Variants in ERAP1 observed in about 807,000 individuals in gnomAD.
The protein encoded by ERAP1 is adipocyte-derived leucine aminopeptidase.
A neutral mutation model predicts 103.7 loss-of-function variants in ERAP1; 86 were observed. The observed-to-expected ratio is 0.83, with a 90% CI of 0.70 to 0.99. The LOEUF (loss-of-function observed/expected upper bound fraction) is 0.99. Among genes scored for constraint, ERAP1 ranks in the 50% least tolerant of loss-of-function variants. ERAP1 has a pLI of 0.00. For synonymous variants in ERAP1, 398 were observed against 402.4 expected, an observed-to-expected ratio of 0.99 and a Z score of 0.13; for missense variants, 1,009 against 1,128.4, an observed-to-expected ratio of 0.89 and a Z score of 1.52.
the ERAP1 span, among the ~76,000 whole-genome samples, chr5:96,845,436 T>C: frequency 6.6e-6 from 1 of 152,204 alleles, no homozygotes; most frequent in Non-Finnish European, 1.5e-5. Flanking sequence ...GGTTTCACCA[T>C]GTTGGCTAGG....
chr5:96,876,718 A>T, the ERAP1 span, among the ~76,000 whole-genome samples: 1 of 152,094 alleles, frequency 6.6e-6, no homozygotes, highest in Non-Finnish European at 1.5e-5. Context: ...TTGATCTAAG[A>T]CGCTGCTGCA....
At chr5:96,869,789 G>C in the ERAP1 span, among the ~76,000 whole-genome samples, 2 of 152,206 alleles carry the variant, frequency 1.3e-5, no homozygotes, top group African/African-American at 4.8e-5. Flanking sequence ...GTTCGGAGAA[G>C]AGGATGGGTG....
At chr5:96,910,373 T>C in the ERAP1 span, 1 of 152,178 alleles carries the variant, frequency 6.6e-6, no homozygotes, top group Admixed American at 6.5e-5. Context: ...CTTGAATTCT[T>C]CTTTTTAAAA....
intron 19 of ERAP1, chr5:96,767,847 C>A: frequency 1.1e-6 from 1 of 951,448 alleles, no homozygotes; most frequent in Non-Finnish European, 1.7e-6. Flanking sequence ...TGGGAAAAGA[C>A]CCCATATTGC....
At chr5:96,842,267 T>C in the ERAP1 span, among the ~76,000 whole-genome samples, 1 of 152,228 alleles carries the variant, frequency 6.6e-6, no homozygotes, top group South Asian at 2.1e-4. Context: ...AGTGTCTTTT[T>C]CATATAACGA....
chr5:96,787,263 G>A (rs1776138895), intron 11 of ERAP1, among the ~76,000 whole-genome samples: 1 of 152,006 alleles, frequency 6.6e-6, no homozygotes, highest in African/African-American at 2.4e-5. Flanking sequence ...GAATGTTCTT[G>A]TTTTTTGTTT....
intron 19 of ERAP1, chr5:96,768,034 G>A (rs748640153): frequency 1.7e-6 from 2 of 1,194,594 alleles, no homozygotes; most frequent in African/African-American, 1.5e-5. Flanking sequence ...TCTTTGAAAT[G>A]TGTGTGTGTG....
chr5:96,770,600 A>C (rs1179846653), downstream of ERAP1: 1 of 1,606,740 alleles, frequency 6.2e-7, no homozygotes, highest in East Asian at 2.2e-5. Flanking sequence ...GGATTCAGCA[A>C]AGGTAAATGG....
the ERAP1 span, chr5:96,889,367 C>T: frequency 1.3e-6 from 2 of 1,559,914 alleles, no homozygotes; most frequent in Non-Finnish European, 1.8e-6. Context: ...TTGATCTCTT[C>T]CCTCTTTCTC....
the ERAP1 span, chr5:96,913,371 T>C: frequency 1.2e-6 from 2 of 1,614,072 alleles, no homozygotes; most frequent in African/African-American, 1.3e-5. Flanking sequence ...ACTTGGCAGC[T>C]CTCCTTCATG....
chr5:96,878,797 A>G, the ERAP1 span, among the ~76,000 whole-genome samples: 1 of 152,054 alleles, frequency 6.6e-6, no homozygotes, highest in Non-Finnish European at 1.5e-5. Flanking sequence ...GTGTGGTGGC[A>G]CATACCTGTA....
At chr5:96,889,620 A>G in the ERAP1 span, 1 of 646,362 alleles carries the variant, frequency 1.5e-6, no homozygotes, top group Non-Finnish European at 2.8e-6. Context: ...AGGGTCCAGG[A>G]AAGAGATGGG....
At chr5:96,888,056 C>T in the ERAP1 span, among the ~76,000 whole-genome samples, 82,901 of 150,590 alleles carry the variant, frequency 0.55, 22,789 homozygotes, top group Admixed American at 0.6. Context: ...ACCCGGGAGG[C>T]GGATGTTGCA....
the ERAP1 span, among the ~76,000 whole-genome samples, chr5:96,910,593 T>C: frequency 5.9e-5 from 9 of 152,240 alleles, no homozygotes; most frequent in Non-Finnish European, 1.3e-4. Flanking sequence ...ATTTCATCTT[T>C]ATGCTAGTTA....
At chr5:96,827,625 G>A in the ERAP1 span, among the ~76,000 whole-genome samples, 5 of 152,202 alleles carry the variant, frequency 3.3e-5, no homozygotes, top group African/African-American at 9.6e-5. Flanking sequence ...AGATCACCCC[G>A]CTGCACTCCA....
the ERAP1 span, among the ~76,000 whole-genome samples, chr5:96,862,429 GA>G: frequency 6.6e-6 from 1 of 152,202 alleles, no homozygotes; most frequent in Non-Finnish European, 1.5e-5. Flanking sequence ...TCTTATTAGT[GA>G]AATTGCGGCT....
the ERAP1 span, among the ~76,000 whole-genome samples, chr5:96,816,137 A>T: frequency 1.3e-5 from 2 of 152,194 alleles, no homozygotes; most frequent in East Asian, 3.8e-4. Context: ...TCAGTTTTGG[A>T]TCCTAGAAAA....
At chr5:96,891,547 C>CATATATATGGTATAA in the ERAP1 span, among the ~76,000 whole-genome samples, 1 of 138,500 alleles carries the variant, frequency 7.2e-6, no homozygotes, top group African/African-American at 2.8e-5. Context: ...CACACACACA[C>CATATATATGGTATAA]ACACACACAC....
chr5:96,902,485 A>G, the ERAP1 span: 2 of 587,658 alleles, frequency 3.4e-6, no homozygotes, highest in South Asian at 4.8e-5. Context: ...TCATTTATCC[A>G]TATGTTACTA....
Sources: allele counts gnomAD v4.1 joint callset (sites outside exome capture counted in the v4.1 genomes callset), GRCh38; gene constraint gnomAD v4.1.1; transcripts MANE v1.5; gene names NCBI Gene and HGNC (gene_info 2026-07-23, HGNC 2026-07-21).